ETV1: variants seen among roughly 807,000 people sequenced by gnomAD.
ETV1 encodes ETS translocation variant 1.
A neutral mutation model predicts 62.3 loss-of-function variants in ETV1; 27 were observed. That is an observed-to-expected ratio of 0.43 (90% CI 0.32 to 0.60). The LOEUF (loss-of-function observed/expected upper bound fraction) is 0.60, where lower values mean the gene tolerates loss of function less well. Ranked by LOEUF, ETV1 falls within the 20% of genes least tolerant of loss-of-function variation. The pLI is 0.06. For missense variants in ETV1, 605 were observed against 605.8 expected (o/e 1.00, Z 0.01); for synonymous variants, 222 against 199.6 (o/e 1.11, Z -0.94).
intron 6 of ETV1, among the ~76,000 whole-genome samples, chr7:13,970,389 A>G (rs781546650): frequency 1.1e-4 from 17 of 152,030 alleles, no homozygotes; most frequent in Non-Finnish European, 2.1e-4. Context: ...TAGCTATCGT[A>G]TAACTCTCAG....
chr7:13,985,170 C>A (rs963523911), intron 5 of ETV1, among the ~76,000 whole-genome samples: 7 of 151,998 alleles, frequency 4.6e-5, no homozygotes, highest in Non-Finnish European at 8.8e-5. Flanking sequence ...GTTCTCACAA[C>A]CTTTGACTTT....
intron 8 of ETV1, among the ~76,000 whole-genome samples, chr7:13,933,028 C>A (rs1786372211): frequency 6.6e-6 from 1 of 152,148 alleles, no homozygotes; most frequent in Non-Finnish European, 1.5e-5. Context: ...AGCAGTTAGG[C>A]TGACTGGCAC....
Position 13,939,130 on chromosome 7 carries a change from G to C in ETV1, c.352C>G (p.Leu118Val), listed in dbSNP as rs780679319. 5.6e-6 allele frequency: 9 copies of C among 1,612,784 alleles called. No homozygotes were observed. The highest frequency in any genetic ancestry group is 1.3e-5 in the African/African-American group (1 of 74,968). The change falls in exon 7 of 14, where the codon CTG becomes GTG. Residue 118 changes from leucine (L) to valine (V), a missense_variant. By Grantham distance (32) the Leu-to-Val change is conservative. Coordinates refer to ENST00000430479, the MANE Select transcript of ETV1 (RefSeq NM_004956.5). ...PFKFSYGEKC[L>V]YNVSAYDQKP... Reference sequence around the variant, plus strand: ...TGGTGGCTTTACCTGACATTGTACAGGCACTTTTCTCCATAGCTGAATTTA... The same window carrying C: ...TGGTGGCTTTACCTGACATTGTACACGCACTTTTCTCCATAGCTGAATTTA...
intron 6 of ETV1, among the ~76,000 whole-genome samples, chr7:13,951,374 A>G (rs1788799404): frequency 2.0e-5 from 3 of 152,208 alleles, no homozygotes; most frequent in African/African-American, 7.2e-5. Flanking sequence ...CTTATTAACT[A>G]TAAGACTGGG....
intron 9 of ETV1, among the ~76,000 whole-genome samples, chr7:13,919,565 T>C (rs866070333): frequency 3.1e-4 from 42 of 135,404 alleles, no homozygotes; most frequent in African/African-American, 7.5e-4. Context: ...ATAGAAACCA[T>C]ACACACACAC....
intron 12 of ETV1, among the ~76,000 whole-genome samples, chr7:13,903,774 A>G (rs1184461663): frequency 1.3e-5 from 2 of 151,914 alleles, no homozygotes; most frequent in East Asian, 1.9e-4. Context: ...AAAAAAAAAA[A>G]AAAAAAAAAT....
At chr7:13,963,034 GC>G in intron 6 of ETV1, among the ~76,000 whole-genome samples, 1 of 152,132 alleles carries the variant, frequency 6.6e-6, no homozygotes, top group South Asian at 2.1e-4. Context: ...TTTTGGTTCT[GC>G]CATTCAACAC....
chr7:13,910,042 T>C (rs1783403816), intron 10 of ETV1, among the ~76,000 whole-genome samples: 1 of 152,086 alleles, frequency 6.6e-6, no homozygotes, highest in Non-Finnish European at 1.5e-5. Flanking sequence ...TTTTTTAGAT[T>C]CATCTAAATT....
chr7:13,923,641 G>A (rs1785099976), intron 9 of ETV1, among the ~76,000 whole-genome samples: 1 of 152,072 alleles, frequency 6.6e-6, no homozygotes, highest in African/African-American at 2.4e-5. Context: ...TAAATTTACA[G>A]GCTTTTCTAC....
upstream of ETV1, among the ~76,000 whole-genome samples, chr7:13,990,953 C>T (rs1376008454): frequency 6.6e-6 from 1 of 152,026 alleles, no homozygotes; most frequent in Non-Finnish European, 1.5e-5. Flanking sequence ...TGTAAGAGCG[C>T]ACAGCACTCA....
At chr7:13,939,333 G>A (rs1376903060) in intron 6 of ETV1, 87 bp from the exon 7 acceptor site, 1 of 1,150,410 alleles carries the variant, frequency 8.7e-7, no homozygotes, top group Non-Finnish European at 1.2e-6. Context: ...TGTTAAAAAG[G>A]TCATTCACAT....
chr7:13,961,487 T>G (rs1327036832), intron 6 of ETV1, among the ~76,000 whole-genome samples: 2 of 152,228 alleles, frequency 1.3e-5, no homozygotes, highest in African/African-American at 4.8e-5. Context: ...GTTCTCATCT[T>G]GATTATTGCT....
At chr7:13,896,461 T>C (rs1781784523) in intron 13 of ETV1, among the ~76,000 whole-genome samples, 1 of 152,148 alleles carries the variant, frequency 6.6e-6, no homozygotes, top group Non-Finnish European at 1.5e-5. Context: ...TTTTAAAAGG[T>C]AGTATCTACA....
chr7:13,918,116 C>T (rs1784396281), intron 9 of ETV1, among the ~76,000 whole-genome samples: 1 of 152,050 alleles, frequency 6.6e-6, no homozygotes, highest in Non-Finnish European at 1.5e-5. Context: ...TGAAAAAAAA[C>T]ATACCATGAA....
At chr7:13,975,868 T>C (rs1393337450) in intron 6 of ETV1, among the ~76,000 whole-genome samples, 1 of 152,204 alleles carries the variant, frequency 6.6e-6, no homozygotes, top group Non-Finnish European at 1.5e-5. Context: ...AGTATTGGAA[T>C]TGTTACCAAT....
intron 6 of ETV1, among the ~76,000 whole-genome samples, chr7:13,954,058 A>G (rs1789132154): frequency 1.3e-5 from 2 of 152,238 alleles, no homozygotes; most frequent in Admixed American, 1.3e-4. Context: ...GCATTGCCAT[A>G]GAAGACTACC....
In ETV1 at chr7:13,931,570, G is replaced by A. The variant is rs777866452; in HGVS notation, c.734C>T (p.Ala245Val). The A allele has an allele frequency of 7.4e-6, 12 of 1,613,926 alleles. No homozygotes were observed. The highest frequency in any genetic ancestry group is 1.6e-4 in the Middle Eastern group (1 of 6,084). ...AGGAGGGGGAAAGCTTTGGCTGGCC[G>A]CACTGCCAACCATGGTGTTGTGTTC... ...VYEHNTMVGS[A>V]ASQSFPPPLM... The change falls in exon 9 of 14, where the codon GCG becomes GTG. Residue 245 changes from alanine (A) to valine (V), a missense_variant. This residue lies in a region of ETV1 where 426 missense variants were observed against 377.8 expected (regional missense o/e 1.13). Coordinates refer to ENST00000430479, the MANE Select transcript of ETV1 (RefSeq NM_004956.5).
At chr7:13,915,936 A>C (rs1199898106) in intron 9 of ETV1, among the ~76,000 whole-genome samples, 2 of 152,204 alleles carry the variant, frequency 1.3e-5, no homozygotes, top group African/African-American at 4.8e-5. Flanking sequence ...ATAACATCTT[A>C]GTTACTAAAC....
intron 9 of ETV1, among the ~76,000 whole-genome samples, chr7:13,913,775 T>G (rs114030571): frequency 0.052 from 7,870 of 152,150 alleles, 234 homozygotes; most frequent in South Asian, 0.11. Flanking sequence ...TTCACAAATC[T>G]ATCTATTAAT....
Sources: allele counts gnomAD v4.1 joint callset (sites outside exome capture counted in the v4.1 genomes callset), GRCh38; gene constraint gnomAD v4.1.1; regional missense constraint gnomAD v4.1.1; transcripts MANE v1.5; gene names NCBI Gene and HGNC (gene_info 2026-07-23, HGNC 2026-07-21).